Variants in NPAS2 observed in about 807,000 individuals in gnomAD.
NPAS2 encodes neuronal PAS domain-containing protein 2.
In NPAS2, 23 loss-of-function variants were observed where a neutral mutation model predicts 107.5. That is an observed-to-expected ratio of 0.21 (90% CI 0.15 to 0.30). The LOEUF is 0.30. NPAS2 is among the 10% of genes least tolerant of loss of function. The pLI, the probability that NPAS2 is intolerant of heterozygous loss-of-function variation, is 1.00. For missense variants in NPAS2, 756 were observed against 1,043.3 expected, an observed-to-expected ratio of 0.72 and a Z score of 3.79; for synonymous variants, 403 against 417.5, an observed-to-expected ratio of 0.97 and a Z score of 0.42.
chr2:100,990,204 T>A (rs937070393), intron 17 of NPAS2, 52 bp from the exon 18 acceptor site: 1 of 1,557,624 alleles, frequency 6.4e-7, no homozygotes, highest in Non-Finnish European at 8.8e-7. Flanking sequence ...CCTGGAGAGA[T>A]GGCCCAGGGT....
At chr2:100,861,798 A>ATTC (rs1244584178) in intron 1 of NPAS2, among the ~76,000 whole-genome samples, 1 of 152,194 alleles carries the variant, frequency 6.6e-6, no homozygotes, top group East Asian at 1.9e-4. Context: ...CAGATATGAA[A>ATTC]GCCTTTGGGC....
intron 2 of NPAS2, among the ~76,000 whole-genome samples, chr2:100,922,853 C>T (rs1199085130): frequency 2.6e-5 from 4 of 152,082 alleles, no homozygotes; most frequent in African/African-American, 9.7e-5. Flanking sequence ...GAGCCTTCGT[C>T]GGAGTTGCTA....
intron 7 of NPAS2, among the ~76,000 whole-genome samples, chr2:100,953,054 T>G (rs1675333101): frequency 7.4e-6 from 1 of 134,234 alleles, no homozygotes; most frequent in African/African-American, 2.8e-5. Context: ...TAGCAAAAAT[T>G]GTCAGAGACA....
At chr2:100,892,589 C>T (rs1449996567) in intron 1 of NPAS2, among the ~76,000 whole-genome samples, 1 of 152,174 alleles carries the variant, frequency 6.6e-6, no homozygotes, top group Non-Finnish European at 1.5e-5. Context: ...GATCTGTCCG[C>T]CTTGCCGTTT....
intron 7 of NPAS2, among the ~76,000 whole-genome samples, chr2:100,959,099 A>G (rs1410134934): frequency 1.9e-5 from 2 of 106,476 alleles, no homozygotes; most frequent in African/African-American, 7.2e-5. Context: ...CAAAAAAAAA[A>G]AAAAAAAAAA....
chr2:100,992,352 G>A (rs1678184449), intron 19 of NPAS2, among the ~76,000 whole-genome samples: 1 of 152,170 alleles, frequency 6.6e-6, no homozygotes, highest in Admixed American at 6.5e-5. Flanking sequence ...GTGCTCTGTT[G>A]GTGGGAACTG....
At chr2:100,931,919 C>G (rs1573650235) in intron 3 of NPAS2, among the ~76,000 whole-genome samples, 1 of 152,178 alleles carries the variant, frequency 6.6e-6, no homozygotes, top group East Asian at 1.9e-4. Flanking sequence ...AAGGAGAGAG[C>G]CTTGAAATCT....
At chr2:100,978,251 C>T (rs536007631) in intron 15 of NPAS2, among the ~76,000 whole-genome samples, 6 of 152,102 alleles carry the variant, frequency 3.9e-5, no homozygotes, top group African/African-American at 1.2e-4. Flanking sequence ...TGAAAACATA[C>T]GATATTTGGT....
chr2:100,901,507 T>C, intron 1 of NPAS2: 2 of 985,244 alleles, frequency 2.0e-6, no homozygotes, highest in Non-Finnish European at 2.4e-6. Flanking sequence ...GAGAGATGAA[T>C]GTTACCGGGC....
chr2:100,968,538 C>A lies in NPAS2; in HGVS notation c.1055+110C>A. On this transcript the variant is annotated intron_variant, in intron 11 of 20. Transcript: ENST00000335681. This position sits in a 1 kb window ranked among gnomAD's most constrained non-coding sequence, Gnocchi z 5.3. ...TCAGATCAGCAGTCACTCAGGTGTT[C>A]CCCATTTCGAAGATGAAGCCCAGGC... 2.8e-6 allele frequency: 3 copies of A among 1,061,416 alleles called. No individual in the cohort carries two copies. The highest frequency in any genetic ancestry group is 4.1e-6 in the Non-Finnish European group (3 of 735,734). 65.7% of individuals were successfully genotyped at this position (1,061,416 alleles called of 1,614,324 possible).
intron 12 of NPAS2, among the ~76,000 whole-genome samples, chr2:100,974,237 G>C (rs181166284): frequency 6.6e-6 from 1 of 152,178 alleles, no homozygotes; most frequent in Admixed American, 6.5e-5. Flanking sequence ...CTGCTTTCTC[G>C]TCACACTGTA....
chr2:100,822,927 G>T (rs1558780333), intron 1 of NPAS2: 1 of 152,150 alleles, frequency 6.6e-6, no homozygotes, highest in African/African-American at 2.4e-5. Context: ...TAGTGGATAG[G>T]GTACTTGGTG....
intron 1 of NPAS2, among the ~76,000 whole-genome samples, chr2:100,864,955 T>G (rs1008425601): frequency 3.9e-5 from 6 of 152,192 alleles, no homozygotes; most frequent in Non-Finnish European, 7.3e-5. Context: ...CAGTATAATT[T>G]AGTGAGAAGA....
intron 2 of NPAS2, 33 bp downstream of exon 2, chr2:100,904,819 CTCTCT>C: frequency 6.5e-7 from 1 of 1,535,340 alleles, no homozygotes; most frequent in Non-Finnish European, 8.9e-7. Context: ...CTCAGCAGAG[CTCTCT>C]GGCCCCCGGG....
In NPAS2 at chr2:100,897,527, C is replaced by T. The variant is rs147119832; in HGVS notation, c.-22-7206C>T. ...ACCTCCCCCTCACCAAAGCAATCAC[C>T]GGGCTGGCCTCTGGGCTGTTCCTCG... On this transcript the variant is annotated intron_variant, in intron 1 of 20. Coordinates refer to ENST00000335681, the MANE Select transcript of NPAS2 (RefSeq NM_002518.4). 3.0e-3 allele frequency among the ~76,000 whole-genome samples: 454 copies of T among 152,276 alleles called. 1 individual carries two copies. Among genetic ancestry groups the T allele is most frequent in the African/African-American group, 0.01 (430 of 41,542 alleles).
At chr2:100,904,882 C>A (rs1558859133) in intron 2 of NPAS2, 96 bp downstream of exon 2, 1 of 843,082 alleles carries the variant, frequency 1.2e-6, no homozygotes, top group Non-Finnish European at 2.0e-6. Context: ...GCAGGTGAGG[C>A]CACCAGCAAG....
At chr2:100,986,394 C>G (rs1251345735) in intron 16 of NPAS2, 1 of 152,304 alleles carries the variant, frequency 6.6e-6, no homozygotes, top group Non-Finnish European at 1.5e-5. Context: ...CAAACCTGCG[C>G]TGACACTCAG....
At chr2:100,835,525 G>T (rs187913386) in intron 1 of NPAS2, among the ~76,000 whole-genome samples, 3 of 152,286 alleles carry the variant, frequency 2.0e-5, no homozygotes, top group Admixed American at 2.0e-4. Context: ...AGGAACGCTT[G>T]CAGGAAAATC....
chr2:100,990,210 A>G, intron 17 of NPAS2, 46 bp from the exon 18 acceptor site: 1 of 1,582,972 alleles, frequency 6.3e-7, no homozygotes, highest in Non-Finnish European at 8.7e-7. Context: ...GAGATGGCCC[A>G]GGGTTGAGTC....
Sources: gnomAD v4.1 joint callset for allele counts (sites outside exome capture counted in the v4.1 genomes callset) on GRCh38, gnomAD v4.1.1 for gene constraint, Gnocchi (gnomAD v3.1) non-coding constraint, MANE v1.5 for transcripts, NCBI Gene and HGNC (gene_info 2026-07-23, HGNC 2026-07-21) for gene names.